Variants in CEMIP2 observed in about 807,000 individuals in gnomAD.
CEMIP2 encodes cell migration inducing hyaluronidase 2.
Under a neutral mutation model 146.9 loss-of-function variants are expected in CEMIP2, and 79 were observed. The observed-to-expected ratio is 0.54, with a 90% CI of 0.45 to 0.65. CEMIP2 has a LOEUF of 0.65. Ranked by LOEUF, CEMIP2 falls within the 30% of genes least tolerant of loss-of-function variation. CEMIP2 has a pLI of 0.00. For missense variants in CEMIP2, 1,596 were observed against 1,696.2 expected (o/e 0.94, Z 1.04); for synonymous variants, 601 against 606.3 (o/e 0.99, Z 0.13).
At chr9:71,702,836 T>G (rs1017001141) in intron 18 of CEMIP2, among the ~76,000 whole-genome samples, 2 of 152,200 alleles carry the variant, frequency 1.3e-5, no homozygotes, top group African/African-American at 2.4e-5. Context: ...CAGCATTTTT[T>G]TTCACTTTAA....
At chr9:71,735,222 G>T (rs1823730688) in intron 5 of CEMIP2, among the ~76,000 whole-genome samples, 1 of 151,934 alleles carries the variant, frequency 6.6e-6, no homozygotes, top group Non-Finnish European at 1.5e-5. Context: ...TGTACCTCTA[G>T]CCATGAAGGA....
chr9:71,694,054 C>A, intron 21 of CEMIP2, among the ~76,000 whole-genome samples: 1 of 152,178 alleles, frequency 6.6e-6, no homozygotes, highest in East Asian at 1.9e-4. Flanking sequence ...TGCCCTTGGA[C>A]TTTCCAGCCT....
At position 71,702,094 on chromosome 9, in the gene CEMIP2, T is replaced by C. The variant is rs1420283938; in HGVS notation, c.3195-1270A>G. On this transcript the variant is annotated intron_variant, in intron 18 of 23. Transcript: ENST00000377044. The stretch of plus-strand genomic sequence containing the variant: ...GCAACATGGCAAAACCACATCTGTA[T>C]AAAAAGTACAAAAATTAGCTGGGTG... Among the ~76,000 whole-genome samples, 3 of 151,652 alleles carry C rather than the reference T, an allele frequency of 2.0e-5. No homozygotes were observed. In the East Asian group the frequency reaches 5.8e-4, roughly 29 times the overall value.
chr9:71,744,193 G>A (rs1242349288), intron 4 of CEMIP2, among the ~76,000 whole-genome samples: 1 of 152,068 alleles, frequency 6.6e-6, no homozygotes, highest in Non-Finnish European at 1.5e-5. Flanking sequence ...GGGCAACAAA[G>A]TGAGACCCCC....
In CEMIP2 at chr9:71,746,205, A is replaced by T; in HGVS notation, c.468T>A (p.Asp156Glu). ...DATVHSIVIQ[D>E]GGLLVFGDNK... is the part of the protein sequence containing the mutation. ...TAGGCAGGAACCATTACCTACCTCC[A>T]TCCTGAATGACTATAGAATGCACGG... Residue 156 changes from aspartate (D) to glutamate (E), a missense_variant, in exon 3 of 24, where the codon GAT becomes GAA. Physicochemically the swap from Asp to Glu is conservative, Grantham distance 45 (BLOSUM62 2). Coordinates refer to ENST00000377044, the MANE Select transcript of CEMIP2 (RefSeq NM_013390.3). 1 of 1,613,480 alleles carries T rather than the reference A, an allele frequency of 6.2e-7. No individual in the cohort carries two copies. Among genetic ancestry groups the T allele is most frequent in the Non-Finnish European group, 8.5e-7 (1 of 1,179,612 alleles).
Position 71,685,832 on chromosome 9 carries a change from A to C in CEMIP2, c.3866T>G (p.Leu1289Trp). 1 of 1,613,976 alleles carries C rather than the reference A, an allele frequency of 6.2e-7. No homozygotes were observed. The highest frequency in any genetic ancestry group is 8.5e-7 in the Non-Finnish European group (1 of 1,179,898). ...TGIPPRSIVL[L>W]STRGEIKQLN... ...CTGCTTTATTTCTCCTCTTGTGCTC[A>C]ACAGAACAATGGACCTGTATGTGAA... Residue 1289 changes from leucine (L) to tryptophan (W), a missense_variant, in exon 23 of 24, where the codon TTG (leucine) becomes TGG (tryptophan). Coordinates refer to ENST00000377044, the MANE Select transcript of CEMIP2 (RefSeq NM_013390.3).
At position 71,734,208 on chromosome 9, in the gene CEMIP2, G is replaced by GGTTTTTTT. The variant is rs374206725; in HGVS notation, c.1393+597_1393+598insAAAAAAAC. ...CCATTTTAAATATCAATGAGTTTTT[G>GGTTTTTTT]TTTTTGTTTTTGTTTTTGGTAATCA... is the stretch of plus-strand genomic sequence containing the variant. On this transcript the variant is annotated intron_variant, in intron 6 of 23. Coordinates refer to ENST00000377044, the MANE Select transcript of CEMIP2 (RefSeq NM_013390.3). Among the ~76,000 whole-genome samples the GGTTTTTTT allele has an allele frequency of 4.6e-3, 662 of 143,812 alleles. 8 individuals carry two copies. The highest frequency in any genetic ancestry group is 0.011 in the African/African-American group (466 of 40,542). 94.3% of individuals were successfully genotyped at this position (143,812 alleles called of 152,430 possible). A position where few individuals can be genotyped will look rare whatever the true frequency, so the allele number is the denominator to read the frequency against.
chr9:71,695,351 T>C (rs145548197), intron 20 of CEMIP2, among the ~76,000 whole-genome samples: 2 of 152,300 alleles, frequency 1.3e-5, no homozygotes, highest in East Asian at 1.9e-4. Flanking sequence ...ACACTGTCCA[T>C]ATAAACCAAT....
intron 16 of CEMIP2, among the ~76,000 whole-genome samples, chr9:71,710,399 G>A (rs967245682): frequency 1.3e-5 from 2 of 152,178 alleles, no homozygotes; most frequent in East Asian, 1.9e-4. Flanking sequence ...AAACTGTGAC[G>A]TCTAGGACAA....
intron 1 of CEMIP2, among the ~76,000 whole-genome samples, chr9:71,766,072 C>CT (rs761620941): frequency 0.092 from 13,000 of 142,024 alleles, 670 homozygotes; most frequent in African/African-American, 0.11. Flanking sequence ...TCTTTTTTTT[C>CT]TTTTTTTTTT....
Position 71,700,660 on chromosome 9 carries a change from T to C in CEMIP2, c.3359A>G (p.Tyr1120Cys), listed in dbSNP as rs147942904. 2.5e-6 allele frequency: 4 copies of C among 1,602,392 alleles called. No homozygotes were observed. The Admixed American group carries it at 5.3e-5, about 21-fold the overall frequency. The change falls in exon 19 of 24, where the codon TAT (tyrosine) becomes TGT (cysteine). Residue 1120 changes from tyrosine to cysteine, a missense_variant. By Grantham distance (194) the Tyr-to-Cys change is radical. Transcript: ENST00000377044. Reference sequence around the variant, plus strand: ...GAATTACCCCGTGCTGGAGTCAAAATAGAATTTCCTCTCGGATTGCTTTCT... The same window carrying C: ...GAATTACCCCGTGCTGGAGTCAAAACAGAATTTCCTCTCGGATTGCTTTCT... ...LQRKQSERKF[Y>C]FDSSTGLLFL...
At chr9:71,704,846 T>G in intron 17 of CEMIP2, 43 bp from the exon 18 acceptor site, 1 of 1,582,174 alleles carries the variant, frequency 6.3e-7, no homozygotes, top group Non-Finnish European at 8.7e-7. Flanking sequence ...GAATGAAAAT[T>G]TAAACAGCTA....
chr9:71,710,233 T>C (rs1822867589), intron 16 of CEMIP2, among the ~76,000 whole-genome samples: 1 of 152,240 alleles, frequency 6.6e-6, no homozygotes, highest in South Asian at 2.1e-4. Flanking sequence ...AGGTGACATG[T>C]TTTACAGTCT....
At chr9:71,729,763 A>C in intron 10 of CEMIP2, 82 bp downstream of exon 10, 1 of 1,382,822 alleles carries the variant, frequency 7.2e-7, no homozygotes, top group Non-Finnish European at 1.0e-6. Flanking sequence ...ACTGGCACAC[A>C]TGACATTAAA....
intron 10 of CEMIP2, among the ~76,000 whole-genome samples, chr9:71,728,302 C>CGTATATATATGTGTAT (rs1554684803): frequency 9.5e-4 from 11 of 11,578 alleles, no homozygotes; most frequent in Non-Finnish European, 1.2e-3. Context: ...TATATATATA[C>CGTATATATATGTGTAT]ATATATATAT....
At position 71,730,780 on chromosome 9, in the gene CEMIP2, T is replaced by C. The variant is rs1237439197; in HGVS notation, c.1698A>G (p.Ala566=). 1 of 1,614,182 alleles carries C rather than the reference T, an allele frequency of 6.2e-7. No individual in the cohort carries two copies. Among genetic ancestry groups the C allele is most frequent in the African/African-American group, 1.3e-5 (1 of 75,040 alleles). Residue 566 remains alanine (A), a synonymous_variant, in exon 8 of 24, where the codon GCA becomes GCG. Coordinates refer to ENST00000377044, the MANE Select transcript of CEMIP2 (RefSeq NM_013390.3). Reference sequence around the variant, plus strand: ...GAATAGACAGGCCGTCCACAAATGTTGCATGTCTGTATCCTCCTTTATAAT... The same window carrying C: ...GAATAGACAGGCCGTCCACAAATGTCGCATGTCTGTATCCTCCTTTATAAT... The part of the protein sequence containing the change: ...DVDYKGGYRH[A]TFVDGLSIHH...
chr9:71,733,296 G>T (rs539220792), intron 6 of CEMIP2, among the ~76,000 whole-genome samples: 3 of 152,214 alleles, frequency 2.0e-5, no homozygotes, highest in African/African-American at 7.2e-5. Context: ...TTTCACTGAT[G>T]ATCTTATTAC....
rs759725637 is a variant in CEMIP2, at chr9:71,694,499, T to A, written c.3696+10A>T. On this transcript the variant is annotated intron_variant, in intron 21 of 23. Transcript: ENST00000377044. The stretch of plus-strand genomic sequence containing the variant: ...TAGAACAGACTAAGACAACACCAGA[T>A]GGTACTTACAGAAATAACAGACGGG... 7.5e-6 allele frequency: 12 copies of A among 1,602,836 alleles called. No individual in the cohort carries two copies. The highest frequency in any genetic ancestry group is 1.3e-5 in the African/African-American group (1 of 74,680).
chr9:71,709,589 T>G, intron 16 of CEMIP2, 115 bp from the exon 17 acceptor site: 1 of 816,966 alleles, frequency 1.2e-6, no homozygotes, highest in South Asian at 1.6e-5. Context: ...AGAGCAGTTC[T>G]GAGTTACAGT....
Sources: gnomAD v4.1 joint callset for allele counts (sites outside exome capture counted in the v4.1 genomes callset) on GRCh38, gnomAD v4.1.1 for gene constraint, MANE v1.5 for transcripts, NCBI Gene and HGNC (gene_info 2026-07-23, HGNC 2026-07-21) for gene names.